The following KCNJ3 variants were observed in gnomAD, a reference collection of about 807,000 sequenced individuals.
The protein encoded by KCNJ3 is potassium inwardly rectifying channel subfamily J member 3, also known as G protein-activated inward rectifier potassium channel 1.
KCNJ3 carries 4 observed loss-of-function variants against 39.2 expected under a neutral mutation model. The ratio of observed to expected loss-of-function variants is 0.10; its 90% CI spans 0.05 to 0.23. The LOEUF (loss-of-function observed/expected upper bound fraction) is 0.23, where lower values mean the gene tolerates loss of function less well. Ranked by LOEUF, KCNJ3 falls within the 10% of genes least tolerant of loss-of-function variation. The pLI, the probability that KCNJ3 is intolerant of heterozygous loss-of-function variation, is 1.00. For synonymous variants in KCNJ3, 230 were observed against 237.4 expected, an observed-to-expected ratio of 0.97 and a Z score of 0.29; for missense variants, 276 against 634.9, an observed-to-expected ratio of 0.43 and a Z score of 6.08.
At chr2:154,722,700 A>G (rs1422124958) in intron 2 of KCNJ3, among the ~76,000 whole-genome samples, 2 of 152,104 alleles carry the variant, frequency 1.3e-5, no homozygotes, top group African/African-American at 2.4e-5. Context: ...TGCACTTTAG[A>G]AAAAAACCAC....
intron 2 of KCNJ3, among the ~76,000 whole-genome samples, chr2:154,806,412 A>C (rs1686911683): frequency 1.3e-5 from 2 of 152,200 alleles, no homozygotes; most frequent in South Asian, 4.1e-4. Flanking sequence ...TTTTTGAGCA[A>C]GGATCAAACA....
At chr2:154,761,445 G>C (rs1294732633) in intron 2 of KCNJ3, among the ~76,000 whole-genome samples, 1 of 151,940 alleles carries the variant, frequency 6.6e-6, no homozygotes, top group Non-Finnish European at 1.5e-5. Flanking sequence ...TTGATCTCTT[G>C]TGTAATTTTA....
chr2:154,846,140 G>T (rs1291169750), intron 2 of KCNJ3, among the ~76,000 whole-genome samples: 2 of 152,146 alleles, frequency 1.3e-5, no homozygotes, highest in Non-Finnish European at 2.9e-5. Context: ...GAGCAGGCCA[G>T]GTTGACAGTG....
intron 2 of KCNJ3, among the ~76,000 whole-genome samples, chr2:154,753,879 AG>A (rs2105183748): frequency 6.6e-6 from 1 of 152,294 alleles, no homozygotes; most frequent in African/African-American, 2.4e-5. Flanking sequence ...TCTACAGAAA[AG>A]TTATGTAATT....
intron 2 of KCNJ3, among the ~76,000 whole-genome samples, chr2:154,818,107 T>C (rs1687112612): frequency 6.6e-6 from 1 of 152,152 alleles, no homozygotes; most frequent in Non-Finnish European, 1.5e-5. Context: ...TTAGAATAAA[T>C]ATTCCCTTTA....
chr2:154,711,603 T>C (rs1043785709), intron 2 of KCNJ3, among the ~76,000 whole-genome samples: 4 of 152,154 alleles, frequency 2.6e-5, no homozygotes, highest in Admixed American at 2.6e-4. Context: ...TTCTTCAACA[T>C]TATTTTGTGT....
chr2:154,814,197 G>A (rs1687044857), intron 2 of KCNJ3, among the ~76,000 whole-genome samples: 1 of 152,092 alleles, frequency 6.6e-6, no homozygotes, highest in East Asian at 1.9e-4. Flanking sequence ...TCACCTAACT[G>A]TGTGACTTTT....
At chr2:154,704,514 A>C (rs1684965257) in intron 1 of KCNJ3, among the ~76,000 whole-genome samples, 1 of 152,200 alleles carries the variant, frequency 6.6e-6, no homozygotes, top group Admixed American at 6.5e-5. Context: ...AAAATTGAAC[A>C]TATTTTTGTG....
intron 2 of KCNJ3, among the ~76,000 whole-genome samples, chr2:154,722,831 G>A (rs1685286712): frequency 6.6e-6 from 1 of 152,170 alleles, no homozygotes; most frequent in African/African-American, 2.4e-5. Context: ...GCTAGAGGAA[G>A]TTTGAACAAG....
chr2:154,814,266 T>C (rs1687045939), intron 2 of KCNJ3, among the ~76,000 whole-genome samples: 1 of 152,186 alleles, frequency 6.6e-6, no homozygotes, highest in East Asian at 1.9e-4. Context: ...AACTAGCAAA[T>C]CTTTTAAATA....
At chr2:154,733,034 G>A (rs912636589) in intron 2 of KCNJ3, among the ~76,000 whole-genome samples, 7 of 152,038 alleles carry the variant, frequency 4.6e-5, no homozygotes, top group African/African-American at 1.7e-4. Context: ...TAACCTATTT[G>A]TATGTATACA....
intron 2 of KCNJ3, among the ~76,000 whole-genome samples, chr2:154,827,331 G>T (rs909109017): frequency 3.9e-5 from 6 of 152,036 alleles, no homozygotes; most frequent in Non-Finnish European, 8.8e-5. Flanking sequence ...TATTCAAAAA[G>T]AACCTCTTTT....
chr2:154,835,506 A>G (rs1028773612), intron 2 of KCNJ3, among the ~76,000 whole-genome samples: 6 of 146,276 alleles, frequency 4.1e-5, no homozygotes, highest in Non-Finnish European at 6.0e-5. Context: ...AATATATATC[A>G]AAATATATAT....
At chr2:154,852,349 T>C (rs945776874) in intron 2 of KCNJ3, among the ~76,000 whole-genome samples, 16 of 152,132 alleles carry the variant, frequency 1.1e-4, no homozygotes, top group African/African-American at 3.9e-4. Flanking sequence ...TGAACTGAGA[T>C]GGTGCCACTG....
chr2:154,765,497 A>G (rs1686118800), intron 2 of KCNJ3, among the ~76,000 whole-genome samples: 1 of 152,218 alleles, frequency 6.6e-6, no homozygotes, highest in African/African-American at 2.4e-5. Context: ...AGTGCCTAGC[A>G]TACTGCCTTG....
intron 2 of KCNJ3, among the ~76,000 whole-genome samples, chr2:154,790,507 T>C (rs990167447): frequency 6.6e-6 from 1 of 152,106 alleles, no homozygotes; most frequent in Non-Finnish European, 1.5e-5. Context: ...TAGAAGGGTA[T>C]GTTGATAGGA....
chr2:154,836,232 A>C (rs1461351954), intron 2 of KCNJ3, among the ~76,000 whole-genome samples: 1 of 95,924 alleles, frequency 1.0e-5, no homozygotes, highest in Admixed American at 1.2e-4. Flanking sequence ...AAAAAAACAA[A>C]AAAAAAAACA....
intron 2 of KCNJ3, among the ~76,000 whole-genome samples, chr2:154,726,798 C>CAT (rs963910492): frequency 1.4e-5 from 1 of 71,718 alleles, no homozygotes; most frequent in African/African-American, 3.5e-5. Context: ...TATATACATA[C>CAT]ACACACACAC....
At chr2:154,720,018 A>G (rs1685243589) in intron 2 of KCNJ3, among the ~76,000 whole-genome samples, 1 of 152,090 alleles carries the variant, frequency 6.6e-6, no homozygotes. Context: ...TTAGCACTCA[A>G]ATTCCAGTAG....
Sources: gnomAD v4.1 joint callset for allele counts (sites outside exome capture counted in the v4.1 genomes callset) on GRCh38, gnomAD v4.1.1 for gene constraint, MANE v1.5 for transcripts, NCBI Gene and HGNC (gene_info 2026-07-23, HGNC 2026-07-21) for gene names.